Variants in ST7 observed in about 807,000 individuals in gnomAD.
ST7 encodes suppression of tumorigenicity 7.
A neutral mutation model predicts 78.7 loss-of-function variants in ST7; 28 were observed. The observed-to-expected ratio is 0.36, with a 90% CI of 0.26 to 0.49. The LOEUF is 0.49. ST7 is among the 20% of genes least tolerant of loss of function. ST7 has a pLI of 0.99. For synonymous variants in ST7, 247 were observed against 249.6 expected (o/e 0.99, Z 0.10); for missense variants, 418 against 696.0 (o/e 0.60, Z 4.49).
At chr7:117,032,178 G>A (rs1463648531) in intron 1 of ST7, among the ~76,000 whole-genome samples, 1 of 151,494 alleles carries the variant, frequency 6.6e-6, no homozygotes, top group East Asian at 1.9e-4. Context: ...CACCACGCCT[G>A]GCCTAGTTAA....
At chr7:117,070,006 G>T (rs547091008) in intron 1 of ST7, among the ~76,000 whole-genome samples, 1 of 152,202 alleles carries the variant, frequency 6.6e-6, no homozygotes, top group Non-Finnish European at 1.5e-5. Flanking sequence ...AAATGAAATT[G>T]ATGCTCTAGA....
intron 10 of ST7, among the ~76,000 whole-genome samples, chr7:117,186,405 G>T (rs1358522964): frequency 6.6e-6 from 1 of 152,156 alleles, no homozygotes; most frequent in African/African-American, 2.4e-5. Context: ...ACTGATGGGC[G>T]GGTAGAATCT....
chr7:117,205,898 G>T (rs1412732126), intron 12 of ST7, among the ~76,000 whole-genome samples: 1 of 152,240 alleles, frequency 6.6e-6, no homozygotes, highest in African/African-American at 2.4e-5. Context: ...GATGGACAAA[G>T]CGTGTTCTTT....
intron 2 of ST7, among the ~76,000 whole-genome samples, chr7:117,115,417 C>T (rs985167341): frequency 8.7e-5 from 13 of 150,278 alleles, no homozygotes; most frequent in Non-Finnish European, 3.0e-5. Flanking sequence ...TACAGTCCCG[C>T]GATCTCAGCT....
intron 1 of ST7, among the ~76,000 whole-genome samples, chr7:116,957,378 T>G (rs1294441279): frequency 1.3e-5 from 2 of 152,022 alleles, no homozygotes; most frequent in African/African-American, 4.8e-5. Context: ...TTTTTGTTTG[T>G]TTTTTAAGAG....
chr7:116,990,145 C>T (rs553749951), intron 1 of ST7, among the ~76,000 whole-genome samples: 1 of 152,176 alleles, frequency 6.6e-6, no homozygotes, highest in African/African-American at 2.4e-5. Context: ...ACCATGTTAG[C>T]CAGGATTATC....
At chr7:116,960,790 T>C (rs1297618356) in intron 1 of ST7, among the ~76,000 whole-genome samples, 1 of 152,212 alleles carries the variant, frequency 6.6e-6, no homozygotes, top group African/African-American at 2.4e-5. Flanking sequence ...ACTCTGTTGA[T>C]AGTTTCTGTT....
chr7:117,168,012 C>T (rs1005511962), intron 9 of ST7, among the ~76,000 whole-genome samples: 1 of 152,010 alleles, frequency 6.6e-6, no homozygotes, highest in Admixed American at 6.6e-5. Context: ...TTTGAGGAGC[C>T]GGAAAGGGCA....
chr7:116,992,327 G>T (rs1339909840), intron 1 of ST7, among the ~76,000 whole-genome samples: 1 of 152,198 alleles, frequency 6.6e-6, no homozygotes, highest in Non-Finnish European at 1.5e-5. Flanking sequence ...GGGCATCCAG[G>T]CATCTCCATA....
At chr7:117,078,812 C>A (rs773792300) in intron 1 of ST7, among the ~76,000 whole-genome samples, 1 of 152,134 alleles carries the variant, frequency 6.6e-6, no homozygotes, top group Non-Finnish European at 1.5e-5. Context: ...GTTTCATTTA[C>A]CTTATAATTA....
intron 1 of ST7, among the ~76,000 whole-genome samples, chr7:117,087,288 A>G (rs1364284064): frequency 1.3e-5 from 2 of 152,210 alleles, no homozygotes; most frequent in Non-Finnish European, 2.9e-5. Context: ...ATCAGAATAA[A>G]TAGAATAGAA....
At chr7:117,132,352 C>T (rs1381778057) in intron 6 of ST7, among the ~76,000 whole-genome samples, 1 of 151,322 alleles carries the variant, frequency 6.6e-6, no homozygotes, top group Non-Finnish European at 1.5e-5. Context: ...AACATGATAA[C>T]AACATAAGGT....
In ST7 at chr7:117,201,266, G is replaced by T. The variant is rs563481576; in HGVS notation, c.1255-8521G>T. 3.9e-5 allele frequency among the ~76,000 whole-genome samples: 6 copies of T among 152,214 alleles called. No individual in the cohort carries two copies. In the South Asian group the frequency reaches 6.2e-4, roughly 16 times the overall value. On this transcript the variant is annotated intron_variant, in intron 12 of 15. Coordinates refer to ENST00000323984, the MANE Select transcript of ST7 (RefSeq NM_001369598.1). Reference sequence around the variant, plus strand: ...GATTAGAGTAAGGAGAATGTATTGTGGAAATATGACCCAGAGGAAAATGAA... The same window carrying T: ...GATTAGAGTAAGGAGAATGTATTGTTGAAATATGACCCAGAGGAAAATGAA...
chr7:117,017,347 T>C (rs1383751627), intron 1 of ST7, among the ~76,000 whole-genome samples: 1 of 152,142 alleles, frequency 6.6e-6, no homozygotes, highest in East Asian at 1.9e-4. Context: ...CAGAAAATAG[T>C]TGTTGAGTGA....
chr7:117,131,470 T>C (rs1804350337), intron 5 of ST7, among the ~76,000 whole-genome samples: 4 of 151,918 alleles, frequency 2.6e-5, no homozygotes, highest in Admixed American at 1.3e-4. Context: ...GGTTTCAGAA[T>C]GTTCTAACAC....
intron 1 of ST7, among the ~76,000 whole-genome samples, chr7:117,007,436 C>T (rs555176027): frequency 2.6e-5 from 4 of 152,286 alleles, no homozygotes; most frequent in South Asian, 2.1e-4. Context: ...TGCAGAGGAA[C>T]GCTTTGAAGC....
Position 117,190,891 on chromosome 7 carries a change from A to G in ST7, c.1209A>G (p.Val403=), listed in dbSNP as rs200438914. ...TGAGCACAGCAGAGATGAATGCAGT[A>G]GAGGCCATTCATAGAGCTGTGGAAT... The part of the protein sequence containing the change: ...RGLSTAEMNA[V]EAIHRAVEFN... The change falls in exon 12 of 16, where the codon GTA becomes GTG. Residue 403 remains valine (V), a synonymous_variant. Transcript: ENST00000323984. This position sits in a 1 kb window ranked among gnomAD's most constrained non-coding sequence, Gnocchi z 5.2. 8.4e-5 allele frequency: 136 copies of G among 1,614,000 alleles called. No homozygotes were observed. Among genetic ancestry groups the G allele is most frequent in the Non-Finnish European group, 1.1e-4 (130 of 1,179,998 alleles).
At chr7:116,965,772 A>G (rs1170266452) in intron 1 of ST7, 1 of 156,544 alleles carries the variant, frequency 6.4e-6, no homozygotes, top group African/African-American at 2.4e-5. Flanking sequence ...TGAAAAAGAT[A>G]AGACAAACAA....
intron 15 of ST7, among the ~76,000 whole-genome samples, chr7:117,229,185 C>T (rs986320075): frequency 1.3e-5 from 2 of 152,200 alleles, no homozygotes; most frequent in Non-Finnish European, 2.9e-5. Flanking sequence ...AAGGATCTGT[C>T]CTCCATGGAA....
Sources: allele counts gnomAD v4.1 joint callset (sites outside exome capture counted in the v4.1 genomes callset), GRCh38; gene constraint gnomAD v4.1.1; non-coding constraint Gnocchi (gnomAD v3.1); transcripts MANE v1.5; gene names NCBI Gene and HGNC (gene_info 2026-07-23, HGNC 2026-07-21).